The following HMGB1 variants were observed in gnomAD, a reference collection of about 807,000 sequenced individuals.
HMGB1 encodes the protein high mobility group protein B1.
For synonymous variants in HMGB1, 81 were observed against 84.0 expected (o/e 0.96, Z 0.19); for missense variants, 79 against 253.5 (o/e 0.31, Z 4.67).
intron 1 of HMGB1, among the ~76,000 whole-genome samples, chr13:30,531,631 G>A (rs1888498556): frequency 3.3e-5 from 5 of 151,828 alleles, no homozygotes; most frequent in Admixed American, 2.6e-4. Flanking sequence ...CTGGTGCGGT[G>A]GCTCACGCCT....
At chr13:30,467,012 T>C, upstream of HMGB1, among the ~76,000 whole-genome samples, 1 of 152,100 alleles carries the variant, frequency 6.6e-6, no homozygotes, top group East Asian at 1.9e-4. Context: ...AGGCAGAGAG[T>C]GCATGTGCCC....
intron 1 of HMGB1, among the ~76,000 whole-genome samples, chr13:30,482,029 C>A (rs1342741002): frequency 6.6e-6 from 1 of 152,064 alleles, no homozygotes; most frequent in African/African-American, 2.4e-5. Flanking sequence ...GGGGTTTCAC[C>A]ATATTGGCCA....
At chr13:30,564,572 A>G (rs551609784) in intron 1 of HMGB1, among the ~76,000 whole-genome samples, 1 of 152,366 alleles carries the variant, frequency 6.6e-6, no homozygotes, top group African/African-American at 2.4e-5. Flanking sequence ...GAAGGTTTAT[A>G]ATACCTAAAA....
At chr13:30,480,227 A>C (rs1296990191) in intron 1 of HMGB1, among the ~76,000 whole-genome samples, 2 of 152,242 alleles carry the variant, frequency 1.3e-5, no homozygotes, top group Non-Finnish European at 2.9e-5. Context: ...TGTGTGGAAT[A>C]TTTACTTTGA....
At chr13:30,592,108 T>C (rs942448771) in intron 1 of HMGB1, among the ~76,000 whole-genome samples, 2 of 152,100 alleles carry the variant, frequency 1.3e-5, no homozygotes, top group African/African-American at 4.8e-5. Context: ...AATATATTTT[T>C]AATCAATAAA....
chr13:30,600,766 C>A (rs573564529), intron 1 of HMGB1, among the ~76,000 whole-genome samples: 1 of 152,248 alleles, frequency 6.6e-6, no homozygotes, highest in East Asian at 1.9e-4. Context: ...TCTGAAAAAA[C>A]CCAAATCTGA....
chr13:30,521,075 G>T (rs1888227169), intron 1 of HMGB1, among the ~76,000 whole-genome samples: 1 of 152,144 alleles, frequency 6.6e-6, no homozygotes, highest in East Asian at 1.9e-4. Context: ...TCCATTATGT[G>T]TCCTGAATTT....
chr13:30,540,208 GC>G, intron 1 of HMGB1: 1 of 192,442 alleles, frequency 5.2e-6, no homozygotes, highest in Non-Finnish European at 1.1e-5. Flanking sequence ...ATTTTGATCA[GC>G]AAGGGGATCA....
At chr13:30,493,581 G>T (rs1887547262) in intron 1 of HMGB1, among the ~76,000 whole-genome samples, 1 of 152,088 alleles carries the variant, frequency 6.6e-6, no homozygotes, top group South Asian at 2.1e-4. Context: ...ATCACTTGAG[G>T]CCAGGAGTTT....
chr13:30,574,805 A>T (rs1870576890), intron 1 of HMGB1, among the ~76,000 whole-genome samples: 1 of 152,222 alleles, frequency 6.6e-6, no homozygotes, highest in Admixed American at 6.5e-5. Context: ...CATATGTGGA[A>T]ATTCTTTTTA....
At chr13:30,472,043 A>G (rs1169033375) in intron 1 of HMGB1, among the ~76,000 whole-genome samples, 1 of 150,792 alleles carries the variant, frequency 6.6e-6, no homozygotes, top group Non-Finnish European at 1.5e-5. Flanking sequence ...TTTGGGAGGC[A>G]GAAGTGGGTG....
At chr13:30,496,491 C>A (rs898921860) in intron 1 of HMGB1, among the ~76,000 whole-genome samples, 1 of 152,170 alleles carries the variant, frequency 6.6e-6, no homozygotes. Context: ...CCAGGAAATG[C>A]ACTTTTGCAA....
intron 1 of HMGB1, among the ~76,000 whole-genome samples, chr13:30,513,086 C>G (rs1278725588): frequency 6.6e-6 from 1 of 152,106 alleles, no homozygotes; most frequent in Admixed American, 6.5e-5. Context: ...TTGCTTGAAC[C>G]TGGGAGGCAG....
At chr13:30,514,294 T>C (rs1407525020) in intron 1 of HMGB1, among the ~76,000 whole-genome samples, 1 of 151,086 alleles carries the variant, frequency 6.6e-6, no homozygotes, top group African/African-American at 2.4e-5. Flanking sequence ...GCAGTAGGGG[T>C]TTAGAGCTCA....
chr13:30,459,544 A>T lies in HMGB1; in HGVS notation c.*1813T>A, dbSNP rs1189284254. ...AAAATCTGATGTTCGACACAATTGCAGCCTATCACTAACCCTGCTGTTCGC... is the reference window on the plus strand; with the variant it reads ...AAAATCTGATGTTCGACACAATTGCTGCCTATCACTAACCCTGCTGTTCGC... On this transcript the variant is annotated 3_prime_UTR_variant, in exon 5 of 5. Coordinates refer to ENST00000341423, the MANE Select transcript of HMGB1 (RefSeq NM_002128.7). The T allele has an allele frequency of 2.0e-5, 3 of 152,206 alleles. No individual in the cohort carries two copies. The highest frequency in any genetic ancestry group is 4.8e-5 in the African/African-American group (2 of 41,450). The allele number at this position is 152,206 out of a possible 1,614,324, so 9.4% of individuals were successfully genotyped here. A position where few individuals can be genotyped will look rare whatever the true frequency, so the allele number is the denominator to read the frequency against.
At chr13:30,540,319 T>C (rs868865553) in intron 1 of HMGB1, 1 of 161,494 alleles carries the variant, frequency 6.2e-6, no homozygotes, top group Middle Eastern at 3.1e-3. Context: ...ATTCCTTTGA[T>C]AGTAGGGTAT....
At position 30,593,863 on chromosome 13, in the gene HMGB1, G is replaced by A. The variant is rs542785790; in HGVS notation, c.-15+22808C>T. Among the ~76,000 whole-genome samples the A allele has an allele frequency of 1.6e-4, 24 of 152,274 alleles. 1 individual carries two copies. In the South Asian group the frequency reaches 4.2e-3, roughly 26 times the overall value. ...TATCAATGCCATAAAAGACAAAGAC[G>A]GCTATGGAAATGTTACAGATTGAAG... On this transcript the variant is annotated intron_variant, in intron 1 of 4. Transcript: ENST00000405805.
chr13:30,553,979 G>A, intron 1 of HMGB1: 1 of 1,489,166 alleles, frequency 6.7e-7, no homozygotes, highest in South Asian at 1.1e-5. Context: ...CGGTTTGGCA[G>A]CAGAAGACCA....
At chr13:30,549,042 A>C (rs192464872) in intron 1 of HMGB1, among the ~76,000 whole-genome samples, 1 of 152,306 alleles carries the variant, frequency 6.6e-6, no homozygotes, top group East Asian at 1.9e-4. Context: ...TCACACCTGT[A>C]ATCTCAACAC....
Sources: gnomAD v4.1 joint callset for allele counts (sites outside exome capture counted in the v4.1 genomes callset) on GRCh38, gnomAD v4.1.1 for gene constraint, MANE v1.5 for transcripts, NCBI Gene and HGNC (gene_info 2026-07-23, HGNC 2026-07-21) for gene names.